Variants in ALMS1 observed in about 807,000 individuals in gnomAD.
The protein encoded by ALMS1 is centrosome-associated protein ALMS1.
In ALMS1, 271 loss-of-function variants were observed where a neutral mutation model predicts 352.2. The observed-to-expected ratio is 0.77, with a 90% CI of 0.70 to 0.85. The LOEUF (loss-of-function observed/expected upper bound fraction) is 0.85, where lower values mean the gene tolerates loss of function less well. Ranked by LOEUF, ALMS1 falls within the 40% of genes least tolerant of loss-of-function variation. The pLI is 0.00. For synonymous variants in ALMS1, 1,865 were observed against 1,761.2 expected, an observed-to-expected ratio of 1.06 and a Z score of -1.48; for missense variants, 5,445 against 4,870.7, an observed-to-expected ratio of 1.12 and a Z score of -3.51.
chr2:73,515,768 TACACACACACACACAC>T (rs71406825), intron 10 of ALMS1, among the ~76,000 whole-genome samples: 53 of 141,586 alleles, frequency 3.7e-4, no homozygotes, highest in African/African-American at 1.2e-3. Context: ...TCCACAGAAA[TACACACACACACACAC>T]ACACACACAC....
chr2:73,391,363 G>C lies in ALMS1; in HGVS notation c.324+5171G>C, dbSNP rs1213934550. ...GGCTGGAGTGCAGTGGCGCAATCTC[G>C]GCTCACTGCAAACTCAGCCTCCCGA... is the stretch of plus-strand genomic sequence containing the variant. On this transcript the variant is annotated intron_variant, in intron 1 of 22. Transcript: ENST00000613296. Among the ~76,000 whole-genome samples the C allele has an allele frequency of 2.8e-5, 4 of 142,632 alleles. No individual in the cohort carries two copies. In the Admixed American group the frequency reaches 2.9e-4, roughly 10 times the overall value. 93.6% of individuals were successfully genotyped at this position (142,632 alleles called of 152,430 possible). A position where few individuals can be genotyped will look rare whatever the true frequency, so the allele number is the denominator to read the frequency against.
intron 5 of ALMS1, among the ~76,000 whole-genome samples, chr2:73,425,825 GTAA>G (rs1306540678): frequency 1.3e-5 from 2 of 152,168 alleles, no homozygotes; most frequent in East Asian, 3.8e-4. Context: ...CATAAAAAGG[GTAA>G]TAATGATAGC....
Position 73,424,866 on chromosome 2 carries a change from G to C in ALMS1, c.1201G>C (p.Glu401Gln). The change falls in exon 5 of 23, where the codon GAA (glutamate) becomes CAA (glutamine). Residue 401 changes from glutamate (E) to glutamine (Q), a missense_variant. Coordinates refer to ENST00000613296, the MANE Select transcript of ALMS1 (RefSeq NM_001378454.1). ...TTCATATGGGCAGTATTGGACACAG[G>C]AAGATTCATCTAAGCAGGCAGAAAC... ...ARSYGQYWTQ[E>Q]DSSKQAETYL... The C allele has an allele frequency of 6.2e-7, 1 of 1,604,770 alleles. No homozygotes were observed. Among genetic ancestry groups the C allele is most frequent in the Non-Finnish European group, 8.5e-7 (1 of 1,174,786 alleles).
In ALMS1 at chr2:73,491,049, A is replaced by T; in HGVS notation, c.9090A>T (p.Leu3030Phe). The T allele has an allele frequency of 6.2e-7, 1 of 1,614,238 alleles. No individual in the cohort carries two copies. The highest frequency in any genetic ancestry group is 8.5e-7 in the Non-Finnish European group (1 of 1,180,036). The change falls in exon 10 of 23, where the codon TTA becomes TTT. Residue 3030 changes from leucine (L) to phenylalanine (F), a missense_variant. Transcript: ENST00000613296. ...AGTCAGCCCCAAATCACTGTACATT[A>T]GCAGCATCTGCATCTACTCCTCCTT... ...VSQSAPNHCT[L>F]AASASTPPSN...
In ALMS1 at chr2:73,453,893, A is replaced by T; in HGVS notation, c.7366A>T (p.Ile2456Leu). 6.2e-7 allele frequency: 1 copy of T among 1,614,164 alleles called. No homozygotes were observed. The highest frequency in any genetic ancestry group is 8.5e-7 in the Non-Finnish European group (1 of 1,180,020). Residue 2456 changes from isoleucine (I) to leucine (L), a missense_variant, in exon 8 of 23, where the codon ATA becomes TTA. By Grantham distance (5) the Ile-to-Leu change is conservative. Transcript: ENST00000613296. The part of the protein sequence containing the change: ...FFPYVSPKTS[I>L]TDSREEEGVS... Reference sequence around the variant, plus strand: ...TCCATATGTTTCACCCAAGACAAGTATAACAGATAGCAGGGAGGAAGAGGG... The same window carrying T: ...TCCATATGTTTCACCCAAGACAAGTTTAACAGATAGCAGGGAGGAAGAGGG...
chr2:73,452,970 C>G lies in ALMS1; in HGVS notation c.6443C>G (p.Pro2148Arg), dbSNP rs1278447725. The change falls in exon 8 of 23, where the codon CCA becomes CGA. Residue 2148 changes from proline (P) to arginine (R), a missense_variant. Coordinates refer to ENST00000613296, the MANE Select transcript of ALMS1 (RefSeq NM_001378454.1). ...AGTTCCTTTTCACATCGAGAGAAAC[C>G]AGATATTTTCTATCAAAAGGATTTG... ...LPSSFSHREK[P>R]DIFYQKDLPD... The G allele has an allele frequency of 1.2e-6, 2 of 1,612,246 alleles. No homozygotes were observed. Among genetic ancestry groups the G allele is most frequent in the South Asian group, 2.2e-5 (2 of 90,948 alleles).
intron 15 of ALMS1, among the ~76,000 whole-genome samples, chr2:73,567,801 TTTTCTAA>T (rs1439418410): frequency 1.3e-5 from 2 of 152,202 alleles, no homozygotes; most frequent in African/African-American, 4.8e-5. Flanking sequence ...GTTTTCTGAC[TTTTCTAA>T]TAAATTTGAG....
chr2:73,480,679 T>G (rs1327343826), intron 9 of ALMS1, among the ~76,000 whole-genome samples: 1 of 150,774 alleles, frequency 6.6e-6, no homozygotes, highest in African/African-American at 2.4e-5. Flanking sequence ...TGAACTAGTT[T>G]ACAGTCCCAC....
At chr2:73,422,679 G>T (rs1477319585) in intron 3 of ALMS1, among the ~76,000 whole-genome samples, 178 bp from the exon 4 acceptor site, 1 of 152,086 alleles carries the variant, frequency 6.6e-6, no homozygotes, top group Admixed American at 6.6e-5. Flanking sequence ...TTAAGCACCT[G>T]GACCTTGTCA....
intron 9 of ALMS1, among the ~76,000 whole-genome samples, chr2:73,480,307 A>T (rs1248597912): frequency 6.6e-6 from 1 of 151,632 alleles, no homozygotes; most frequent in African/African-American, 2.4e-5. Flanking sequence ...ATTCCCACCT[A>T]TGAGTGAGAA....
Position 73,449,189 on chromosome 2 carries a change from T to C in ALMS1, c.2662T>C (p.Ser888Pro). The C allele has an allele frequency of 6.2e-7, 1 of 1,614,124 alleles. No homozygotes were observed. The highest frequency in any genetic ancestry group is 8.5e-7 in the Non-Finnish European group (1 of 1,180,006). Residue 888 changes from serine to proline, a missense_variant, in exon 8 of 23, where the codon TCA becomes CCA. Coordinates refer to ENST00000613296, the MANE Select transcript of ALMS1 (RefSeq NM_001378454.1). ...SHLTEEALKVSIVPGPGDQKT... is the reference protein window; with the variant it reads ...SHLTEEALKVPIVPGPGDQKT... ...TCTAACTGAAGAGGCTCTGAAAGTA[T>C]CAATTGTTCCTGGACCAGGTGATCA...
At chr2:73,422,619 T>G (rs1256281996) in intron 3 of ALMS1, among the ~76,000 whole-genome samples, 1 of 152,156 alleles carries the variant, frequency 6.6e-6, no homozygotes, top group Non-Finnish European at 1.5e-5. Context: ...ATATATATAA[T>G]AATACCTATC....
intron 8 of ALMS1, 93 bp downstream of exon 8, chr2:73,454,160 A>T: frequency 5.3e-6 from 8 of 1,514,230 alleles, no homozygotes; most frequent in South Asian, 3.8e-5. Context: ...GCCAATGAAA[A>T]ATACAAGCAA....
At chr2:73,437,366 C>T (rs1671623799) in intron 7 of ALMS1, among the ~76,000 whole-genome samples, 1 of 152,204 alleles carries the variant, frequency 6.6e-6, no homozygotes, top group Non-Finnish European at 1.5e-5. Context: ...GGAGTGGACC[C>T]TCACTCCACC....
At chr2:73,532,169 G>A (rs1436791185) in intron 11 of ALMS1, among the ~76,000 whole-genome samples, 2 of 152,206 alleles carry the variant, frequency 1.3e-5, no homozygotes, top group African/African-American at 4.8e-5. Flanking sequence ...GCCACCACCA[G>A]TGGGACTGTT....
At chr2:73,559,183 G>A (rs1275731851) in intron 15 of ALMS1, 41 bp downstream of exon 15, 1 of 1,595,448 alleles carries the variant, frequency 6.3e-7, no homozygotes, top group African/African-American at 1.3e-5. Flanking sequence ...GTGTCTTTGT[G>A]TGTATGTGAG....
intron 1 of ALMS1, among the ~76,000 whole-genome samples, chr2:73,401,774 T>G (rs1318229551): frequency 6.6e-6 from 1 of 152,180 alleles, no homozygotes; most frequent in Non-Finnish European, 1.5e-5. Flanking sequence ...ATATTTTACG[T>G]TGAATTGCTA....
chr2:73,451,056 G>C lies in ALMS1; in HGVS notation c.4529G>C (p.Gly1510Ala). The change falls in exon 8 of 23, where the codon GGC becomes GCC. Residue 1510 changes from glycine to alanine, a missense_variant. Physicochemically the swap from Gly to Ala is moderately conservative, Grantham distance 60. Transcript: ENST00000613296. ...LKVSVAPGPVGQTTGAPTITS... is the reference protein window; with the variant it reads ...LKVSVAPGPVAQTTGAPTITS... Reference sequence around the variant, plus strand: ...GTTTCAGTTGCTCCTGGACCAGTTGGCCAGACAACTGGCGCACCAACTATA... The same window carrying C: ...GTTTCAGTTGCTCCTGGACCAGTTGCCCAGACAACTGGCGCACCAACTATA... 1 of 1,608,676 alleles carries C rather than the reference G, an allele frequency of 6.2e-7. No homozygotes were observed. The highest frequency in any genetic ancestry group is 1.4e-5 in the African/African-American group (1 of 73,244).
intron 11 of ALMS1, among the ~76,000 whole-genome samples, chr2:73,526,560 A>T (rs1026664851): frequency 3.3e-5 from 5 of 151,794 alleles, no homozygotes; most frequent in African/African-American, 1.2e-4. Context: ...TGTAAATGGG[A>T]TTATTTTTAA....
Sources: gnomAD v4.1 joint callset for allele counts (sites outside exome capture counted in the v4.1 genomes callset) on GRCh38, gnomAD v4.1.1 for gene constraint, MANE v1.5 for transcripts, NCBI Gene and HGNC (gene_info 2026-07-23, HGNC 2026-07-21) for gene names.